Variants in DLC1 observed in about 807,000 individuals in gnomAD.
DLC1 encodes rho GTPase-activating protein 7.
Under a neutral mutation model 140.3 loss-of-function variants are expected in DLC1, and 54 were observed. The ratio of observed to expected loss-of-function variants is 0.38; its 90% CI spans 0.31 to 0.48. The LOEUF (loss-of-function observed/expected upper bound fraction) is 0.48. DLC1 is among the 20% of genes least tolerant of loss of function. The pLI is 0.96. For missense variants in DLC1, 2,536 were observed against 1,907.0 expected (o/e 1.33, Z -6.14); for synonymous variants, 986 against 728.1 (o/e 1.35, Z -5.70).
At chr8:13,403,074 C>A (rs1837368178) in intron 2 of DLC1, among the ~76,000 whole-genome samples, 1 of 152,140 alleles carries the variant, frequency 6.6e-6, no homozygotes, top group Non-Finnish European at 1.5e-5. Flanking sequence ...AAACAGCTAG[C>A]CCTGTTTTCA....
At chr8:13,385,847 T>C (rs1836498817) in intron 4 of DLC1, among the ~76,000 whole-genome samples, 1 of 152,192 alleles carries the variant, frequency 6.6e-6, no homozygotes, top group African/African-American at 2.4e-5. Context: ...TGGGACAGAA[T>C]TAATTATCAA....
At position 13,230,302 on chromosome 8, in the gene DLC1, A is replaced by C. The variant is rs146613654; in HGVS notation, c.1348+74967T>G. On this transcript the variant is annotated intron_variant, in intron 5 of 17. Transcript: ENST00000276297. ...GAGCAAGTAAAAAGGGTAGCAGCTA[A>C]GAGTCCAGAACATCTTGTAAGGTCC... Among the ~76,000 whole-genome samples the C allele has an allele frequency of 4.3e-3, 654 of 152,360 alleles. 5 individuals carry two copies. Among genetic ancestry groups the C allele is most frequent in the African/African-American group, 0.014 (598 of 41,586 alleles).
intron 2 of DLC1, among the ~76,000 whole-genome samples, chr8:13,491,778 A>C (rs1397485266): frequency 6.6e-6 from 1 of 152,116 alleles, no homozygotes; most frequent in Non-Finnish European, 1.5e-5. Flanking sequence ...CAGAGAGGGG[A>C]TATGTGGCCA....
intron 2 of DLC1, among the ~76,000 whole-genome samples, chr8:13,474,278 G>T (rs999882608): frequency 6.6e-6 from 1 of 152,172 alleles, no homozygotes; most frequent in East Asian, 1.9e-4. Context: ...TCCACATGGT[G>T]TTGAGTCTGT....
At chr8:13,447,230 T>A (rs925652730) in intron 2 of DLC1, among the ~76,000 whole-genome samples, 2 of 152,230 alleles carry the variant, frequency 1.3e-5, no homozygotes, top group Admixed American at 6.5e-5. Context: ...ACCTTGGCAG[T>A]CTACTCATTT....
chr8:13,434,614 C>A (rs1839034834), intron 2 of DLC1, among the ~76,000 whole-genome samples: 1 of 152,166 alleles, frequency 6.6e-6, no homozygotes, highest in Non-Finnish European at 1.5e-5. Context: ...TGTTTTCATG[C>A]CTGCTAACAC....
chr8:13,581,003 C>T (rs777676983), intron 1 of DLC1, among the ~76,000 whole-genome samples: 1 of 152,166 alleles, frequency 6.6e-6, no homozygotes, highest in Admixed American at 6.5e-5. Flanking sequence ...ATCAGCTTTC[C>T]CCCATGTAGG....
At chr8:13,153,246 G>C (rs13248806) in intron 5 of DLC1, among the ~76,000 whole-genome samples, 1 of 151,914 alleles carries the variant, frequency 6.6e-6, no homozygotes, top group Admixed American at 6.6e-5. Context: ...GGCTTCTGGA[G>C]TGAAGCTGCT....
At chr8:13,567,783 A>G in intron 1 of DLC1, 1 of 1,551,904 alleles carries the variant, frequency 6.4e-7, no homozygotes. Context: ...TCTGGAAAAG[A>G]CTGACTGAGA....
intron 4 of DLC1, among the ~76,000 whole-genome samples, chr8:13,309,969 A>AT (rs1832606972): frequency 6.6e-6 from 1 of 151,962 alleles, no homozygotes; most frequent in Admixed American, 6.6e-5. Context: ...ATTTCTATTA[A>AT]TTTTCTTTAA....
intron 16 of DLC1, among the ~76,000 whole-genome samples, chr8:13,088,031 G>C (rs1401636157): frequency 6.6e-6 from 1 of 152,166 alleles, no homozygotes. Context: ...AATAAATGTA[G>C]ATCTGTTTTC....
intron 7 of DLC1, among the ~76,000 whole-genome samples, chr8:13,108,900 G>A (rs1045052614): frequency 6.6e-6 from 1 of 152,090 alleles, no homozygotes; most frequent in Non-Finnish European, 1.5e-5. Context: ...TTTCATTCCC[G>A]ATGATATAGT....
At chr8:13,328,244 G>A (rs1833449697) in intron 4 of DLC1, among the ~76,000 whole-genome samples, 1 of 152,196 alleles carries the variant, frequency 6.6e-6, no homozygotes, top group Non-Finnish European at 1.5e-5. Flanking sequence ...AGAAGGGGAT[G>A]AGAGTAGAGA....
intron 4 of DLC1, among the ~76,000 whole-genome samples, chr8:13,360,014 T>G (rs541156928): frequency 6.6e-6 from 1 of 152,354 alleles, no homozygotes; most frequent in Non-Finnish European, 1.5e-5. Flanking sequence ...GTATGTTGGA[T>G]TCCGCATTAT....
At chr8:13,414,085 C>T (rs534781994) in intron 2 of DLC1, among the ~76,000 whole-genome samples, 9 of 152,148 alleles carry the variant, frequency 5.9e-5, no homozygotes, top group Middle Eastern at 3.4e-3. Context: ...ACCACAAACA[C>T]GAAAAAGCTC....
chr8:13,506,380 A>G (rs977944576), intron 1 of DLC1, among the ~76,000 whole-genome samples: 3 of 151,766 alleles, frequency 2.0e-5, no homozygotes, highest in Non-Finnish European at 4.4e-5. Flanking sequence ...GGGAAAATAA[A>G]GACATAACAG....
At chr8:13,300,596 C>T (rs904897361) in intron 5 of DLC1, among the ~76,000 whole-genome samples, 4 of 152,084 alleles carry the variant, frequency 2.6e-5, no homozygotes, top group Non-Finnish European at 2.9e-5. Context: ...TCACATTGGT[C>T]GGCCTCCCAG....
At chr8:13,600,653 G>T (rs1434538618) in intron 1 of DLC1, among the ~76,000 whole-genome samples, 4 of 151,770 alleles carry the variant, frequency 2.6e-5, no homozygotes, top group Non-Finnish European at 5.9e-5. Context: ...CTAATGAAAA[G>T]ATTTTATTTT....
At chr8:13,259,559 A>C (rs1413152434) in intron 5 of DLC1, among the ~76,000 whole-genome samples, 1 of 152,182 alleles carries the variant, frequency 6.6e-6, no homozygotes, top group African/African-American at 2.4e-5. Context: ...TAAAGATACT[A>C]CAGTCTTTTA....
Sources: gnomAD v4.1 joint callset for allele counts (sites outside exome capture counted in the v4.1 genomes callset) on GRCh38, gnomAD v4.1.1 for gene constraint, MANE v1.5 for transcripts, NCBI Gene and HGNC (gene_info 2026-07-23, HGNC 2026-07-21) for gene names.